STARD13: variants seen among roughly 807,000 people sequenced by gnomAD.
STARD13 encodes the protein StAR related lipid transfer domain containing 13, also known as stAR-related lipid transfer protein 13.
A neutral mutation model predicts 106.4 loss-of-function variants in STARD13; 62 were observed. The observed-to-expected ratio is 0.58, with a 90% confidence interval of 0.48 to 0.72. The LOEUF is 0.72. STARD13 is among the 30% of genes least tolerant of loss of function. The probability of loss-of-function intolerance (pLI) is 0.00; values close to 1 mark genes in which losing one functional copy is unlikely to be tolerated. For synonymous variants in STARD13, 565 were observed against 553.0 expected, an observed-to-expected ratio of 1.02 and a Z score of -0.31; for missense variants, 1,387 against 1,424.0, an observed-to-expected ratio of 0.97 and a Z score of 0.42.
At chr13:33,627,939 G>A in the STARD13 span, among the ~76,000 whole-genome samples, 6 of 151,362 alleles carry the variant, frequency 4.0e-5, no homozygotes, top group South Asian at 2.1e-4. Context: ...TTTACTTTGC[G>A]TAATTTTAGG....
intron 1 of STARD13, among the ~76,000 whole-genome samples, chr13:33,220,591 C>T (rs776444403): frequency 1.1e-4 from 17 of 152,128 alleles, no homozygotes; most frequent in Admixed American, 7.2e-4. Context: ...ACTTGGGAGG[C>T]TGAGGCAGAA....
At chr13:33,362,093 C>T in the STARD13 span, among the ~76,000 whole-genome samples, 1 of 152,084 alleles carries the variant, frequency 6.6e-6, no homozygotes, top group Non-Finnish European at 1.5e-5. Context: ...AAAGAAATAC[C>T]TGAAGCTGGG....
intron 1 of STARD13, among the ~76,000 whole-genome samples, chr13:33,197,225 C>T (rs1191127513): frequency 1.3e-5 from 2 of 152,240 alleles, no homozygotes; most frequent in Non-Finnish European, 2.9e-5. Context: ...TCAGCCAGCC[C>T]AAGACTGAGG....
chr13:33,481,876 G>T, the STARD13 span, among the ~76,000 whole-genome samples: 1 of 151,782 alleles, frequency 6.6e-6, no homozygotes, highest in Non-Finnish European at 1.5e-5. Context: ...CCAGCTACTC[G>T]GGAGGCTGAG....
At chr13:33,168,248 G>A (rs377273440) in intron 1 of STARD13, among the ~76,000 whole-genome samples, 4 of 152,040 alleles carry the variant, frequency 2.6e-5, no homozygotes, top group South Asian at 2.1e-4. Flanking sequence ...TGTAGAGTGC[G>A]GCATAGAAGA....
the STARD13 span, among the ~76,000 whole-genome samples, chr13:33,362,447 C>T: frequency 6.6e-6 from 1 of 152,172 alleles, no homozygotes; most frequent in Admixed American, 6.5e-5. Context: ...ACATCCAAAC[C>T]ATATCAATAA....
chr13:33,668,939 T>C, the STARD13 span, among the ~76,000 whole-genome samples: 4 of 152,242 alleles, frequency 2.6e-5, no homozygotes, highest in Non-Finnish European at 2.9e-5. Flanking sequence ...CATATTGTTT[T>C]ATTTAATTGT....
chr13:33,176,468 G>T (rs559972203), intron 1 of STARD13, among the ~76,000 whole-genome samples: 1 of 152,086 alleles, frequency 6.6e-6, no homozygotes, highest in Non-Finnish European at 1.5e-5. Flanking sequence ...ATTGTTACTA[G>T]GTTTACAGCT....
intron 5 of STARD13, among the ~76,000 whole-genome samples, chr13:33,128,500 C>A (rs1214614769): frequency 6.6e-6 from 1 of 152,118 alleles, no homozygotes; most frequent in East Asian, 1.9e-4. Flanking sequence ...GAGTACACAT[C>A]TTAGGCCTCA....
At chr13:33,449,514 T>C in the STARD13 span, among the ~76,000 whole-genome samples, 1 of 152,194 alleles carries the variant, frequency 6.6e-6, no homozygotes, top group Non-Finnish European at 1.5e-5. Flanking sequence ...CACTTAGAAG[T>C]ATATTTTGAA....
chr13:33,645,105 C>T, the STARD13 span, among the ~76,000 whole-genome samples: 1 of 152,092 alleles, frequency 6.6e-6, no homozygotes, highest in Non-Finnish European at 1.5e-5. Context: ...AGTCTCTTTC[C>T]CTTCCCCTTG....
the STARD13 span, among the ~76,000 whole-genome samples, chr13:33,577,253 A>G: frequency 6.6e-6 from 1 of 152,196 alleles, no homozygotes; most frequent in Non-Finnish European, 1.5e-5. Flanking sequence ...GCTGATAATC[A>G]TGATGGCAAC....
At chr13:33,348,862 G>C (rs1390699213) in exon 2 of STARD13, 1 of 395,552 alleles carries the variant, frequency 2.5e-6, no homozygotes, top group Non-Finnish European at 4.8e-6. Context: ...CTGTGTTGGA[G>C]AGAAAATGTG....
the STARD13 span, among the ~76,000 whole-genome samples, chr13:33,548,422 A>C: frequency 6.6e-6 from 1 of 152,198 alleles, no homozygotes; most frequent in East Asian, 1.9e-4. Flanking sequence ...GCTTATTGAC[A>C]CAACATAGCA....
At chr13:33,281,976 G>T (rs1891808625) in intron 1 of STARD13, among the ~76,000 whole-genome samples, 1 of 151,872 alleles carries the variant, frequency 6.6e-6, no homozygotes, top group Admixed American at 6.6e-5. Flanking sequence ...TGGTTAAGAT[G>T]GCAAAATTAA....
At chr13:33,467,416 G>T in the STARD13 span, among the ~76,000 whole-genome samples, 2 of 152,138 alleles carry the variant, frequency 1.3e-5, no homozygotes, top group Non-Finnish European at 2.9e-5. Context: ...AAGAGATGGG[G>T]AGTGGCTGTA....
the STARD13 span, among the ~76,000 whole-genome samples, chr13:33,583,630 T>C: frequency 2.6e-5 from 4 of 152,172 alleles, no homozygotes; most frequent in African/African-American, 9.7e-5. Flanking sequence ...TTCTTGATAT[T>C]TAGGGTAAGG....
chr13:33,255,104 C>CG (rs139016091), intron 1 of STARD13, among the ~76,000 whole-genome samples: 1,570 of 144,884 alleles, frequency 0.011, 21 homozygotes, highest in Non-Finnish European at 0.017. Flanking sequence ...GTGCTCCCCC[C>CG]CCCCTCAGAG....
At chr13:33,513,317 G>A in the STARD13 span, among the ~76,000 whole-genome samples, 2,316 of 152,260 alleles carry the variant, frequency 0.015, 56 homozygotes, top group African/African-American at 0.051. Context: ...TGGGATAAGA[G>A]TAGAAGAAAA....
Sources: gnomAD v4.1 joint callset for allele counts (sites outside exome capture counted in the v4.1 genomes callset) on GRCh38, gnomAD v4.1.1 for gene constraint, MANE v1.5 for transcripts, NCBI Gene and HGNC (gene_info 2026-07-23, HGNC 2026-07-21) for gene names.